Variants in TEFM observed in about 807,000 individuals in gnomAD.
The protein encoded by TEFM is transcription elongation factor, mitochondrial, also known as transcription elongation factor of mitochondria.
A neutral mutation model predicts 23.0 loss-of-function variants in TEFM; 14 were observed. The ratio of observed to expected loss-of-function variants is 0.61; its 90% confidence interval spans 0.40 to 0.95. The LOEUF (loss-of-function observed/expected upper bound fraction) is 0.95. TEFM is among the 40% of genes least tolerant of loss of function. The pLI is 0.00. For synonymous variants in TEFM, 155 were observed against 158.3 expected (o/e 0.98, Z 0.16); for missense variants, 386 against 425.5 (o/e 0.91, Z 0.82).
chr17:30,904,932 C>T (rs1910134962), intron 1 of TEFM, among the ~76,000 whole-genome samples: 1 of 152,066 alleles, frequency 6.6e-6, no homozygotes, highest in African/African-American at 2.4e-5. Context: ...CCCACCTCAG[C>T]CTCCCAAAGT....
chr17:30,903,718 G>C (rs904559487), intron 2 of TEFM, among the ~76,000 whole-genome samples: 1 of 151,990 alleles, frequency 6.6e-6, no homozygotes, highest in African/African-American at 2.4e-5. Flanking sequence ...ACACAGCCTG[G>C]TATCTCCAAC....
intron 1 of TEFM, 33 bp downstream of exon 1, chr17:30,906,135 C>T: frequency 6.8e-7 from 1 of 1,476,568 alleles, no homozygotes; most frequent in Non-Finnish European, 9.0e-7. Context: ...TAATGACAGA[C>T]GGGAAATCAC....
chr17:30,904,957 C>A (rs1273879515), intron 1 of TEFM, among the ~76,000 whole-genome samples: 2 of 151,918 alleles, frequency 1.3e-5, no homozygotes, highest in Non-Finnish European at 2.9e-5. Flanking sequence ...GGATTACAGG[C>A]GTGAGCCACT....
intron 2 of TEFM, among the ~76,000 whole-genome samples, chr17:30,902,377 A>G (rs1910062974): frequency 6.6e-6 from 1 of 152,204 alleles, no homozygotes; most frequent in Non-Finnish European, 1.5e-5. Flanking sequence ...CACAAGCATT[A>G]CTGAACCAGA....
At chr17:30,899,709 A>G (rs2142472343) in intron 3 of TEFM, 103 bp from the exon 4 acceptor site, 1 of 767,106 alleles carries the variant, frequency 1.3e-6, no homozygotes, top group East Asian at 3.0e-5. Flanking sequence ...ATAATTAGTT[A>G]ATTTATACTA....
At chr17:30,904,925 A>G (rs1316184541) in intron 1 of TEFM, among the ~76,000 whole-genome samples, 1 of 151,764 alleles carries the variant, frequency 6.6e-6, no homozygotes, top group Admixed American at 6.6e-5. Context: ...TGATCCGCCC[A>G]CCTCAGCCTC....
intron 1 of TEFM, among the ~76,000 whole-genome samples, chr17:30,905,683 C>T (rs1910155500): frequency 6.6e-6 from 1 of 152,176 alleles, no homozygotes; most frequent in East Asian, 1.9e-4. Context: ...CTTTTCAAGA[C>T]TTCTACATGA....
At chr17:30,904,853 T>C (rs971844073) in intron 1 of TEFM, among the ~76,000 whole-genome samples, 1 of 151,930 alleles carries the variant, frequency 6.6e-6, no homozygotes, top group East Asian at 1.9e-4. Flanking sequence ...TAATTTTTTG[T>C]ATATTTAGTA....
At chr17:30,903,136 CA>C (rs1173542105) in intron 2 of TEFM, among the ~76,000 whole-genome samples, 19,672 of 66,870 alleles carry the variant, frequency 0.29, 1,295 homozygotes, top group Non-Finnish European at 0.31. Context: ...GACTCTGTCT[CA>C]AAAAAAAAAA....
At chr17:30,900,648 C>CTG (rs1354185655) in intron 2 of TEFM, 86 bp from the exon 3 acceptor site, 1 of 1,260,624 alleles carries the variant, frequency 7.9e-7, no homozygotes, top group Non-Finnish European at 1.1e-6. Flanking sequence ...GTCTCCCAGG[C>CTG]TGGAGTGCAG....
intron 3 of TEFM, chr17:30,900,164 A>G (rs2053518762): frequency 2.2e-6 from 1 of 451,616 alleles, no homozygotes; most frequent in Non-Finnish European, 3.9e-6. Flanking sequence ...ATAATGTTCT[A>G]TAACATTTAG....
chr17:30,899,121 G>T lies in TEFM; in HGVS notation c.*48C>A. 1 of 1,425,236 alleles carries T rather than the reference G, an allele frequency of 7.0e-7. No individual in the cohort carries two copies. The highest frequency in any genetic ancestry group is 9.4e-7 in the Non-Finnish European group (1 of 1,061,296). 88.3% of individuals were successfully genotyped at this position (1,425,236 alleles called of 1,614,324 possible). A position where few individuals can be genotyped will look rare whatever the true frequency, so the allele number is the denominator to read the frequency against. On this transcript the variant is annotated 3_prime_UTR_variant, in exon 4 of 4. Coordinates refer to ENST00000581216, the MANE Select transcript of TEFM (RefSeq NM_024683.4). The stretch of plus-strand genomic sequence containing the variant: ...AACATGGATGTTCACAACAGTTGGT[G>T]TTACGTTAGAGCTAATAATTATACT...
chr17:30,904,529 T>C lies in TEFM; in HGVS notation c.32A>G (p.Glu11Gly), dbSNP rs373751551. 147 of 1,586,904 alleles carry C rather than the reference T, an allele frequency of 9.3e-5. No homozygotes were observed. The highest frequency in any genetic ancestry group is 1.2e-4 in the Non-Finnish European group (140 of 1,167,886). MSGSVLFTAG[E>G]RWRCFLTPSR... ...CGGGGTCAGAAAGCATCTCCACCTCTCTAAAAGGAAAATTTAGCAAAATAT... is the reference window on the plus strand; with the variant it reads ...CGGGGTCAGAAAGCATCTCCACCTCCCTAAAAGGAAAATTTAGCAAAATAT... The change falls in exon 2 of 4, where the codon GAG (glutamate) becomes GGG (glycine). Residue 11 changes from glutamate (E) to glycine (G), a missense_variant and splice_region_variant. Coordinates refer to ENST00000581216, the MANE Select transcript of TEFM (RefSeq NM_024683.4).
chr17:30,905,956 C>T (rs1910161030), intron 1 of TEFM, among the ~76,000 whole-genome samples: 1 of 152,116 alleles, frequency 6.6e-6, no homozygotes, highest in Admixed American at 6.6e-5. Context: ...AGGAAACACT[C>T]TAGGACATGA....
Position 30,899,051 on chromosome 17 carries a change from G to C in TEFM, c.*118C>G. On this transcript the variant is annotated 3_prime_UTR_variant, in exon 4 of 4. Transcript: ENST00000581216. ...TAAACCATTTAATAGCCAAAAGTCA[G>C]AATTTAAACATCTAAAATACACTGA... The C allele has an allele frequency of 9.6e-7, 1 of 1,043,798 alleles. No homozygotes were observed. Among genetic ancestry groups the C allele is most frequent in the Non-Finnish European group, 1.4e-6 (1 of 727,238 alleles). 64.7% of individuals were successfully genotyped at this position (1,043,798 alleles called of 1,614,324 possible).
chr17:30,900,179 A>T, intron 3 of TEFM: 2 of 460,324 alleles, frequency 4.3e-6, no homozygotes, highest in South Asian at 1.2e-4. Flanking sequence ...ATTTAGAATG[A>T]AATACCATTG....
rs776281462 is a variant in TEFM at position 30,899,269 on chromosome 17, A to G, written c.983T>C (p.Met328Thr). The stretch of plus-strand genomic sequence containing the variant: ...TCTTTGTAGTTCAGTAGATAAAAAC[A>G]TCTGTCTGTAGTGAACTATTTTATC... ...PSDKIVHYRQ[M>T]FLSTELQRVE... Residue 328 changes from methionine to threonine, a missense_variant, in exon 4 of 4, where the codon ATG (methionine) becomes ACG (threonine). Transcript: ENST00000581216. 1.2e-6 allele frequency: 2 copies of G among 1,614,226 alleles called. No homozygotes were observed. Among genetic ancestry groups the G allele is most frequent in the Non-Finnish European group, 1.7e-6 (2 of 1,180,020 alleles).
chr17:30,901,616 G>A (rs1910048358), intron 2 of TEFM, among the ~76,000 whole-genome samples: 1 of 152,158 alleles, frequency 6.6e-6, no homozygotes, highest in African/African-American at 2.4e-5. Context: ...TCTGGCAGTA[G>A]AATAAAGACT....
At chr17:30,904,590 A>G in intron 1 of TEFM, 61 bp from the exon 2 acceptor site, 1 of 1,222,272 alleles carries the variant, frequency 8.2e-7, no homozygotes. Flanking sequence ...GGTTAGTTGC[A>G]AGCTTGACTA....
Sources: gnomAD v4.1 joint callset for allele counts (sites outside exome capture counted in the v4.1 genomes callset) on GRCh38, gnomAD v4.1.1 for gene constraint, MANE v1.5 for transcripts, NCBI Gene and HGNC (gene_info 2026-07-23, HGNC 2026-07-21) for gene names.